Variants in DGKB observed in about 807,000 individuals in gnomAD.
DGKB encodes the protein 90 kDa diacylglycerol kinase.
DGKB carries 67 observed loss-of-function variants against 114.3 expected under a neutral mutation model. The observed-to-expected ratio is 0.59, with a 90% CI of 0.48 to 0.72. DGKB has a LOEUF of 0.72. Ranked by LOEUF, DGKB falls within the 30% of genes least tolerant of loss-of-function variation. The probability of loss-of-function intolerance (pLI) is 0.00; values close to 1 mark genes in which losing one functional copy is unlikely to be tolerated. For missense variants in DGKB, 907 were observed against 975.2 expected (o/e 0.93, Z 0.93); for synonymous variants, 398 against 323.1 (o/e 1.23, Z -2.49).
At chr7:14,881,719 G>C in intron 1 of DGKB, among the ~76,000 whole-genome samples, 1 of 151,920 alleles carries the variant, frequency 6.6e-6, no homozygotes, top group African/African-American at 2.4e-5. Flanking sequence ...ACCTGAATAT[G>C]TTGAACTCTT....
chr7:14,278,536 C>A (rs2128448202), intron 23 of DGKB, among the ~76,000 whole-genome samples: 1 of 152,202 alleles, frequency 6.6e-6, no homozygotes, highest in South Asian at 2.1e-4. Context: ...AACTATACGA[C>A]TACTAGAATA....
chr7:14,194,391 G>C (rs1410777484), intron 23 of DGKB, among the ~76,000 whole-genome samples: 1 of 152,138 alleles, frequency 6.6e-6, no homozygotes, highest in African/African-American at 2.4e-5. Context: ...CCTGTCATTT[G>C]TGACAACATG....
At chr7:14,891,116 G>C (rs901328009) in intron 1 of DGKB, among the ~76,000 whole-genome samples, 1 of 151,370 alleles carries the variant, frequency 6.6e-6, no homozygotes, top group Non-Finnish European at 1.5e-5. Flanking sequence ...TGGACCAAGA[G>C]GAGGTACCAG....
chr7:14,756,801 A>G (rs61147906), intron 3 of DGKB, among the ~76,000 whole-genome samples: 329 of 152,108 alleles, frequency 2.2e-3, no homozygotes, highest in African/African-American at 6.5e-3. Context: ...AAACAAATCT[A>G]TCTAGTTAAT....
intron 5 of DGKB, among the ~76,000 whole-genome samples, chr7:14,733,842 G>C (rs1326250913): frequency 6.6e-6 from 1 of 151,832 alleles, no homozygotes; most frequent in African/African-American, 2.4e-5. Context: ...AGGAAGAAAG[G>C]AAGGAAAGAA....
At chr7:14,265,886 C>A (rs1346279634) in intron 23 of DGKB, among the ~76,000 whole-genome samples, 1 of 152,124 alleles carries the variant, frequency 6.6e-6, no homozygotes, top group Non-Finnish European at 1.5e-5. Context: ...AAAACAATTT[C>A]CAAATTGGGG....
At chr7:14,896,928 G>C (rs137962905) in intron 1 of DGKB, among the ~76,000 whole-genome samples, 83 of 151,834 alleles carry the variant, frequency 5.5e-4, no homozygotes, top group African/African-American at 1.9e-3. Context: ...TGAACAATCA[G>C]AACAAAATAC....
intron 4 of DGKB, among the ~76,000 whole-genome samples, chr7:14,753,563 T>A (rs1346554972): frequency 6.6e-6 from 1 of 152,186 alleles, no homozygotes; most frequent in African/African-American, 2.4e-5. Flanking sequence ...AATGCAATTT[T>A]AAAATTTCCC....
intron 4 of DGKB, among the ~76,000 whole-genome samples, chr7:14,747,962 C>T (rs940461406): frequency 1.3e-5 from 2 of 152,130 alleles, no homozygotes; most frequent in South Asian, 2.1e-4. Flanking sequence ...TTTCTATATG[C>T]CTTTCATTAT....
chr7:14,286,290 TACTTTGGAA>T (rs1800861194), intron 23 of DGKB, among the ~76,000 whole-genome samples: 1 of 152,140 alleles, frequency 6.6e-6, no homozygotes, highest in Non-Finnish European at 1.5e-5. Context: ...GAGGGCATAA[TACTTTGGAA>T]GGGCAGAGTA....
At chr7:14,240,127 T>C (rs2128362589) in intron 23 of DGKB, among the ~76,000 whole-genome samples, 1 of 152,200 alleles carries the variant, frequency 6.6e-6, no homozygotes, top group South Asian at 2.1e-4. Context: ...ATCAATTACA[T>C]ATTACCAATA....
chr7:14,578,867 C>G (rs1228106233), intron 19 of DGKB, among the ~76,000 whole-genome samples: 1 of 152,206 alleles, frequency 6.6e-6, no homozygotes, highest in Non-Finnish European at 1.5e-5. Flanking sequence ...AAAACTCTCA[C>G]AATGACAAAT....
chr7:14,590,580 G>A (rs902180236), intron 17 of DGKB, among the ~76,000 whole-genome samples: 2 of 151,980 alleles, frequency 1.3e-5, no homozygotes, highest in Admixed American at 6.6e-5. Context: ...ATTGCTAATC[G>A]GAAAATTTGA....
chr7:14,607,841 A>ATT (rs60772844), intron 16 of DGKB, among the ~76,000 whole-genome samples: 49,397 of 151,482 alleles, frequency 0.33, 8,436 homozygotes, highest in East Asian at 0.63. Context: ...AAATAAATGT[A>ATT]TTTTTTTAAT....
chr7:14,406,474 A>T (rs1823946520), intron 21 of DGKB, among the ~76,000 whole-genome samples: 1 of 152,018 alleles, frequency 6.6e-6, no homozygotes, highest in African/African-American at 2.4e-5. Context: ...TATTAGAAAA[A>T]AGTGTTGGCT....
At chr7:14,494,345 A>T (rs1052094871) in intron 20 of DGKB, among the ~76,000 whole-genome samples, 2 of 151,836 alleles carry the variant, frequency 1.3e-5, no homozygotes, top group Non-Finnish European at 2.9e-5. Context: ...GAGATTTTAG[A>T]TGCCTAACAA....
At chr7:14,870,236 A>C (rs543338348) in intron 1 of DGKB, among the ~76,000 whole-genome samples, 3 of 152,216 alleles carry the variant, frequency 2.0e-5, no homozygotes, top group Admixed American at 1.3e-4. Context: ...CCTCAGATAA[A>C]GTGCCCTCTC....
intron 2 of DGKB, among the ~76,000 whole-genome samples, chr7:14,758,162 A>G (rs1273635770): frequency 6.6e-6 from 1 of 152,072 alleles, no homozygotes. Flanking sequence ...ATGCATTACG[A>G]ATAACATTTT....
rs142556084 is a variant in DGKB, at chr7:14,891,799, G to A, written c.-188+10793C>T. Among the ~76,000 whole-genome samples the A allele has an allele frequency of 1.2e-4, 18 of 151,494 alleles. No individual in the cohort carries two copies. The East Asian group carries it at 3.3e-3, about 28-fold the overall frequency. On this transcript the variant is annotated intron_variant, in intron 1 of 25. Coordinates refer to ENST00000402815, the MANE Select transcript of DGKB (RefSeq NM_001350709.2). ...GAAAATATGAAGTACCTGGGTGGCA[G>A]GGCTCTGTAAGAAAACTGCTGTGGA...
Sources: gnomAD v4.1 joint callset for allele counts (sites outside exome capture counted in the v4.1 genomes callset) on GRCh38, gnomAD v4.1.1 for gene constraint, MANE v1.5 for transcripts, NCBI Gene and HGNC (gene_info 2026-07-23, HGNC 2026-07-21) for gene names.